KRT2: variants seen among roughly 807,000 people sequenced by gnomAD.
KRT2 encodes the protein keratin 2.
A neutral mutation model predicts 48.5 loss-of-function variants in KRT2; 37 were observed. The observed-to-expected ratio is 0.76, with a 90% CI of 0.59 to 1.00. The LOEUF is 1.00. Among genes scored for constraint, KRT2 ranks in the 50% least tolerant of loss-of-function variants. KRT2 has a pLI of 0.00. For synonymous variants in KRT2, 324 were observed against 312.2 expected (o/e 1.04, Z -0.40); for missense variants, 880 against 815.2 (o/e 1.08, Z -0.97).
At position 52,652,032 on chromosome 12, in the gene KRT2, A is replaced by T. The variant is rs1174356256; in HGVS notation, c.111T>A (p.Thr37=). The change falls in exon 1 of 9, where the codon ACT becomes ACA. Residue 37 remains threonine, a synonymous_variant. Coordinates refer to ENST00000309680, the MANE Select transcript of KRT2 (RefSeq NM_000423.3). ...GGCGGCTCAAGCAGGAGAAGCTGGA[A>T]GTTGATCTCCGGCTTCCACCAGACA... ...AVVSGGSRRS[T]SSFSCLSRHG... The T allele has an allele frequency of 1.2e-6, 2 of 1,608,036 alleles. No homozygotes were observed. The highest frequency in any genetic ancestry group is 1.7e-6 in the Non-Finnish European group (2 of 1,179,954).
chr12:52,647,883 C>T (rs1487769134), intron 5 of KRT2, 28 bp from the exon 6 acceptor site: 5 of 1,613,912 alleles, frequency 3.1e-6, no homozygotes, highest in Non-Finnish European at 4.2e-6. Context: ...GGACAGTTTG[C>T]AAGGAAGTTC....
In KRT2 at chr12:52,647,752, T is replaced by TC. The variant is rs1260366085; in HGVS notation, c.1225dup (p.Glu409GlyfsTer10). The TC allele has an allele frequency of 1.2e-6, 2 of 1,613,634 alleles. No homozygotes were observed. The highest frequency in any genetic ancestry group is 1.7e-6 in the Non-Finnish European group (2 of 1,179,848). On this transcript the variant is annotated frameshift_variant, in exon 6 of 9. Coordinates refer to ENST00000309680, the MANE Select transcript of KRT2 (RefSeq NM_000423.3). LOFTEE classifies it high-confidence loss of function. ...CACCTGCTTCTTCACATGTGCGATCTCCCCCTGCAGCCTCTGGATCACGCG... is the reference window on the plus strand; with the variant it reads ...CACCTGCTTCTTCACATGTGCGATCTCCCCCCTGCAGCCTCTGGATCACGCG...
chr12:52,648,428 A>G, intron 4 of KRT2, 91 bp from the exon 5 acceptor site: 1 of 1,049,558 alleles, frequency 9.5e-7, no homozygotes, highest in Non-Finnish European at 1.5e-6. Flanking sequence ...GGAAACGCAG[A>G]CCCTCAGACT....
chr12:52,650,894 C>G (rs566719156), intron 1 of KRT2, among the ~76,000 whole-genome samples: 1 of 152,144 alleles, frequency 6.6e-6, no homozygotes, highest in African/African-American at 2.4e-5. Context: ...TGGGGAAAAC[C>G]GAAAGCAGCC....
Position 52,644,959 on chromosome 12 carries a change from T to G in KRT2, c.*60A>C. 1 of 1,588,790 alleles carries G rather than the reference T, an allele frequency of 6.3e-7. No homozygotes were observed. The highest frequency in any genetic ancestry group is 8.6e-7 in the Non-Finnish European group (1 of 1,157,462). ...CCAGTTAGAGGTACAGAGACAGGCT[T>G]CTACATTCTGGAGTGGGAGAGTCTG... On this transcript the variant is annotated 3_prime_UTR_variant, in exon 9 of 9. Transcript: ENST00000309680.
rs1337082248 is a variant in KRT2 at position 52,652,105 on chromosome 12, C to T, written c.38G>A (p.Gly13Glu). The T allele has an allele frequency of 4.4e-6, 7 of 1,576,810 alleles. No homozygotes were observed. The highest frequency in any genetic ancestry group is 1.1e-5 in the South Asian group (1 of 88,006). ...GCCCCGGAATCCTCCTCCACCTCCT[C>T]CTCTTCCTCGAGATTTGCAAGAGAT... is the stretch of plus-strand genomic sequence containing the variant. ...CQISCKSRGR[G>E]GGGGGFRGFS... Residue 13 changes from glycine to glutamate, a missense_variant, in exon 1 of 9, where the codon GGA becomes GAA. Gly to Glu is a moderately conservative substitution (Grantham distance 98). Coordinates refer to ENST00000309680, the MANE Select transcript of KRT2 (RefSeq NM_000423.3).
chr12:52,651,518 T>C (rs771538266), intron 1 of KRT2, 40 bp downstream of exon 1: 5 of 1,427,898 alleles, frequency 3.5e-6, no homozygotes, highest in Non-Finnish European at 4.9e-6. Context: ...GGAAGTGAAG[T>C]GGCCTGAGCA....
At position 52,645,449 on chromosome 12, in the gene KRT2, G is replaced by A. The variant is rs1465570201; in HGVS notation, c.1505-15C>T. ...GCTTGTCACAGCTGCAGAGAGAGGT[G>A]GTGTTACCACAGAGATTATGACTGC... On this transcript the variant is annotated splice_polypyrimidine_tract_variant and intron_variant, in intron 8 of 8. Transcript: ENST00000309680. 1.4e-5 allele frequency: 23 copies of A among 1,614,024 alleles called. No individual in the cohort carries two copies. Among genetic ancestry groups the A allele is most frequent in the Non-Finnish European group, 1.9e-5 (23 of 1,180,032 alleles).
In KRT2 at chr12:52,648,171, G is replaced by T. The variant is rs1941196603; in HGVS notation, c.1122+2C>A. 6.2e-7 allele frequency: 1 copy of T among 1,613,896 alleles called. No individual in the cohort carries two copies. The highest frequency in any genetic ancestry group is 8.5e-7 in the Non-Finnish European group (1 of 1,179,918). On this transcript the variant is annotated splice_donor_variant, in intron 5 of 8. Transcript: ENST00000309680. LOFTEE classifies it high-confidence loss of function. ...GGCTCTTCCTACATTCCCTCTACTT[G>T]CCTTGCTGTGGTACAGGGCCTCCGC...
chr12:52,649,937 T>TTTAAG lies in KRT2; in HGVS notation c.837_838insCTTAA (p.Asn280LeufsTer6). On this transcript the variant is annotated frameshift_variant, in exon 3 of 9. Coordinates refer to ENST00000309680, the MANE Select transcript of KRT2 (RefSeq NM_000423.3). LOFTEE classifies it high-confidence loss of function. ...ACCTTTTTAAGCGTCACAAAATCATTCTCAGCAGCTGTGCGCTTATTGATT... is the reference window on the plus strand; with the variant it reads ...ACCTTTTTAAGCGTCACAAAATCATTTTAAGCTCAGCAGCTGTGCGCTTATTGATT... 1 of 1,613,906 alleles carries TTTAAG rather than the reference T, an allele frequency of 6.2e-7. No homozygotes were observed. The highest frequency in any genetic ancestry group is 1.1e-5 in the South Asian group (1 of 91,064).
At chr12:52,650,619 G>A in intron 1 of KRT2, 66 bp from the exon 2 acceptor site, 1 of 1,329,482 alleles carries the variant, frequency 7.5e-7, no homozygotes, top group Non-Finnish European at 1.1e-6. Context: ...AGCCACGCTG[G>A]CCAGGGGCAG....
Position 52,647,787 on chromosome 12 carries a change from G to T in KRT2, c.1191C>A (p.Ser397Arg). 6.2e-7 allele frequency: 1 copy of T among 1,613,968 alleles called. No homozygotes were observed. Among genetic ancestry groups the T allele is most frequent in the Non-Finnish European group, 8.5e-7 (1 of 1,179,978 alleles). Residue 397 changes from serine to arginine, a missense_variant, in exon 6 of 9, where the codon AGC becomes AGA. By Grantham distance (110) the Ser-to-Arg change is moderately radical (BLOSUM62 -1). Coordinates refer to ENST00000309680, the MANE Select transcript of KRT2 (RefSeq NM_000423.3). Reference sequence around the variant, plus strand: ...GCCTCTGGATCACGCGGTTCAGCTCGCTGATCTCTATCTTGATCTCTTTCA... The same window carrying T: ...GCCTCTGGATCACGCGGTTCAGCTCTCTGATCTCTATCTTGATCTCTTTCA... ...DSLKEIKIEI[S>R]ELNRVIQRLQ...
chr12:52,649,923 C>A lies in KRT2; in HGVS notation c.852G>T (p.Thr284=). The change falls in exon 3 of 9, where the codon ACG becomes ACT. Residue 284 remains threonine (T), a synonymous_variant. Transcript: ENST00000309680. ...KRTAAENDFV[T]LKKDVDNAYM... ...ACATTCTCTCGCTCACCTTTTTAAGCGTCACAAAATCATTCTCAGCAGCTG... is the reference window on the plus strand; with the variant it reads ...ACATTCTCTCGCTCACCTTTTTAAGAGTCACAAAATCATTCTCAGCAGCTG... 1.2e-6 allele frequency: 2 copies of A among 1,613,304 alleles called. No homozygotes were observed.
chr12:52,647,974 C>G, intron 5 of KRT2, 119 bp from the exon 6 acceptor site: 4 of 1,351,428 alleles, frequency 3.0e-6, no homozygotes, highest in Non-Finnish European at 4.2e-6. Flanking sequence ...AGCTAAATGT[C>G]ATGGCTGCAT....
chr12:52,651,889 G>A lies in KRT2; in HGVS notation c.254C>T (p.Ala85Val), dbSNP rs777951065. 4.4e-6 allele frequency: 7 copies of A among 1,593,430 alleles called. No homozygotes were observed. The East Asian group carries it at 1.6e-4, about 37-fold the overall frequency. ...SVAGGGGGFG[A>V]AGGFGGRGGG... The stretch of plus-strand genomic sequence containing the variant: ...TCCTCTGCCACCAAATCCACCAGCG[G>A]CGCCAAAGCCACCACCTCCTCCAGC... The change falls in exon 1 of 9, where the codon GCC becomes GTC. Residue 85 changes from alanine (A) to valine (V), a missense_variant. Physicochemically the swap from Ala to Val is moderately conservative, Grantham distance 64. Coordinates refer to ENST00000309680, the MANE Select transcript of KRT2 (RefSeq NM_000423.3).
Position 52,650,773 on chromosome 12 carries a change from G to T in KRT2, c.586-220C>A, listed in dbSNP as rs984108507. ...CATCCGGCTCTCTCCACGCAGAGGA[G>T]ACTCTTTGCTGCTTCACTGCTCACT... On this transcript the variant is annotated intron_variant, in intron 1 of 8. Transcript: ENST00000309680. 1.5e-5 allele frequency: 9 copies of T among 599,300 alleles called. No individual in the cohort carries two copies. In the African/African-American group the frequency reaches 1.7e-4, roughly 11 times the overall value. 37.1% of individuals were successfully genotyped at this position (599,300 alleles called of 1,614,324 possible). A position where few individuals can be genotyped will look rare whatever the true frequency, so the allele number is the denominator to read the frequency against.
intron 7 of KRT2, among the ~76,000 whole-genome samples, chr12:52,646,530 T>C (rs942385873): frequency 2.6e-5 from 4 of 152,238 alleles, no homozygotes; most frequent in African/African-American, 9.6e-5. Context: ...TTAATGTGCC[T>C]TATGCATCAT....
Position 52,644,757 on chromosome 12 carries a change from C to T in KRT2, c.*262G>A, listed in dbSNP as rs568581272. ...GCAATGCAAAGAGGCATGGTGGGGG[C>T]GGGAATGGGCATGGCTAGAAGCACA... On this transcript the variant is annotated 3_prime_UTR_variant, in exon 9 of 9. Coordinates refer to ENST00000309680, the MANE Select transcript of KRT2 (RefSeq NM_000423.3). 7 of 536,690 alleles carry T rather than the reference C, an allele frequency of 1.3e-5. No homozygotes were observed. The highest frequency in any genetic ancestry group is 1.0e-4 in the East Asian group (3 of 29,784). The allele number at this position is 536,690 out of a possible 1,614,324, so 33.2% of individuals were successfully genotyped here.
rs2120935055 is a variant in KRT2 at position 52,644,692 on chromosome 12, T to C, written c.*327A>G. 2.6e-6 allele frequency: 1 copy of C among 383,876 alleles called. No homozygotes were observed. Among genetic ancestry groups the C allele is most frequent in the South Asian group, 2.8e-5 (1 of 35,928 alleles). The allele number at this position is 383,876 out of a possible 1,614,324, so 23.8% of individuals were successfully genotyped here. ...CAGGCTTAGAGATGAAATCCCTGGA[T>C]GGGCCTGGGTCCTCAACAGAATACA... On this transcript the variant is annotated 3_prime_UTR_variant, in exon 9 of 9. Transcript: ENST00000309680.
Sources: gnomAD v4.1 joint callset for allele counts (sites outside exome capture counted in the v4.1 genomes callset) on GRCh38, gnomAD v4.1.1 for gene constraint, MANE v1.5 for transcripts, NCBI Gene and HGNC (gene_info 2026-07-23, HGNC 2026-07-21) for gene names.